ROBO2: variants seen among roughly 807,000 people sequenced by gnomAD.
The protein encoded by ROBO2 is roundabout guidance receptor 2.
In ROBO2, 53 loss-of-function variants were observed where a neutral mutation model predicts 160.8. The ratio of observed to expected loss-of-function variants is 0.33; its 90% CI spans 0.26 to 0.41. The LOEUF is 0.41. Ranked by LOEUF, ROBO2 falls within the 10% of genes least tolerant of loss-of-function variation. The probability of loss-of-function intolerance (pLI) is 1.00; values close to 1 mark genes in which losing one functional copy is unlikely to be tolerated. For synonymous variants in ROBO2, 664 were observed against 611.7 expected, an observed-to-expected ratio of 1.09 and a Z score of -1.26; for missense variants, 1,577 against 1,722.4, an observed-to-expected ratio of 0.92 and a Z score of 1.49.
At chr3:77,291,518 T>G (rs1209478392) in intron 2 of ROBO2, among the ~76,000 whole-genome samples, 1 of 149,706 alleles carries the variant, frequency 6.7e-6, no homozygotes, top group East Asian at 2.0e-4. Context: ...AATTGATGGT[T>G]AAAAGGGTAG....
At chr3:77,461,252 C>T (rs1391426187) in intron 2 of ROBO2, among the ~76,000 whole-genome samples, 2 of 151,910 alleles carry the variant, frequency 1.3e-5, no homozygotes, top group Non-Finnish European at 2.9e-5. Flanking sequence ...GATAATAAAA[C>T]ATTCTTTTTT....
chr3:76,255,119 T>C (rs956369904), intron 2 of ROBO2, among the ~76,000 whole-genome samples: 1 of 152,036 alleles, frequency 6.6e-6, no homozygotes, highest in Non-Finnish European at 1.5e-5. Context: ...GAAAAGTCAT[T>C]GTGCCTGTGG....
At chr3:76,000,493 T>A (rs79225941) in intron 2 of ROBO2, among the ~76,000 whole-genome samples, 7 of 148,292 alleles carry the variant, frequency 4.7e-5, no homozygotes, top group African/African-American at 1.5e-4. Flanking sequence ...GCGCTTATTT[T>A]TTTTTTTTTT....
chr3:77,182,564 T>C (rs1255636175), intron 2 of ROBO2, among the ~76,000 whole-genome samples: 5 of 152,044 alleles, frequency 3.3e-5, no homozygotes. Flanking sequence ...TAGTCCATCC[T>C]CCTAAATTGA....
At chr3:76,887,164 T>C (rs191853722) in intron 2 of ROBO2, among the ~76,000 whole-genome samples, 2 of 150,386 alleles carry the variant, frequency 1.3e-5, no homozygotes, top group Admixed American at 1.3e-4. Flanking sequence ...TAATTACTAG[T>C]GAGATTGCCC....
chr3:75,978,368 T>C (rs1205771009), intron 2 of ROBO2, among the ~76,000 whole-genome samples: 1 of 151,514 alleles, frequency 6.6e-6, no homozygotes, highest in African/African-American at 2.4e-5. Flanking sequence ...ATTTTACTAA[T>C]ATTTTATGTT....
At chr3:76,647,107 G>C in intron 2 of ROBO2, among the ~76,000 whole-genome samples, 1 of 152,282 alleles carries the variant, frequency 6.6e-6, no homozygotes, top group Middle Eastern at 3.4e-3. Flanking sequence ...TGCGTTGCTC[G>C]TCTTGTTCTG....
At chr3:77,513,514 C>CT (rs930774164) in intron 5 of ROBO2, among the ~76,000 whole-genome samples, 1 of 151,718 alleles carries the variant, frequency 6.6e-6, no homozygotes, top group African/African-American at 2.4e-5. Context: ...GAGTGTAGTA[C>CT]TTTTTTTCTT....
At chr3:77,237,797 T>C in intron 2 of ROBO2, among the ~76,000 whole-genome samples, 1 of 152,130 alleles carries the variant, frequency 6.6e-6, no homozygotes, top group East Asian at 1.9e-4. Context: ...GTATGTTTAG[T>C]TTTGAAAGGA....
At chr3:76,791,710 T>A (rs1436543621) in intron 2 of ROBO2, among the ~76,000 whole-genome samples, 3 of 151,742 alleles carry the variant, frequency 2.0e-5, no homozygotes, top group Non-Finnish European at 2.9e-5. Flanking sequence ...CTTCAGAAAG[T>A]GAGATGATAT....
chr3:77,421,579 ATTCTT>A (rs2077717965), intron 2 of ROBO2, among the ~76,000 whole-genome samples: 1 of 152,162 alleles, frequency 6.6e-6, no homozygotes, highest in Admixed American at 6.5e-5. Flanking sequence ...TTTCAGGAAA[ATTCTT>A]TATGGGTGCA....
At chr3:77,412,432 G>C (rs2076878590) in intron 2 of ROBO2, among the ~76,000 whole-genome samples, 1 of 152,206 alleles carries the variant, frequency 6.6e-6, no homozygotes, top group Admixed American at 6.5e-5. Flanking sequence ...TGGAATGTTT[G>C]TTAAAAAGAA....
chr3:77,211,455 G>A (rs2084143043), intron 2 of ROBO2, among the ~76,000 whole-genome samples: 2 of 152,112 alleles, frequency 1.3e-5, no homozygotes, highest in South Asian at 4.1e-4. Context: ...TTGTAAATTT[G>A]TTTGAGTTCA....
At chr3:76,042,006 G>A (rs551947499) in intron 2 of ROBO2, among the ~76,000 whole-genome samples, 36 of 133,756 alleles carry the variant, frequency 2.7e-4, no homozygotes, top group Admixed American at 2.0e-3. Flanking sequence ...GAGAGCGAGA[G>A]CAAGAGAGAG....
intron 2 of ROBO2, among the ~76,000 whole-genome samples, chr3:76,453,661 C>T (rs1164340105): frequency 1.3e-5 from 2 of 152,036 alleles, no homozygotes; most frequent in East Asian, 3.9e-4. Flanking sequence ...TTTAAAATAC[C>T]ATAAATTCAA....
At position 77,608,988 on chromosome 3, in the gene ROBO2, A is replaced by G. The variant is rs189887812; in HGVS notation, c.3293+1034A>G. 2.6e-4 allele frequency among the ~76,000 whole-genome samples: 40 copies of G among 151,912 alleles called. 1 individual carries two copies. The East Asian group carries it at 6.8e-3, about 26-fold the overall frequency. On this transcript the variant is annotated intron_variant, in intron 21 of 25. Transcript: ENST00000461745. ...TTGAAGTCTTCAGATTAATTTTTCT[A>G]ACTAGAATTTTCTATGTCATAACAT...
At chr3:76,174,971 G>A (rs2073174749) in intron 2 of ROBO2, among the ~76,000 whole-genome samples, 1 of 151,972 alleles carries the variant, frequency 6.6e-6, no homozygotes, top group Non-Finnish European at 1.5e-5. Context: ...CCATTTTCAC[G>A]ATATTGATTC....
chr3:77,057,569 A>ATTTT (rs71104648), intron 1 of ROBO2, among the ~76,000 whole-genome samples: 19,791 of 105,158 alleles, frequency 0.19, 3,442 homozygotes, highest in East Asian at 0.4. Context: ...ATTCCAGAGG[A>ATTTT]TTTTTTTTTT....
chr3:75,929,840 G>A (rs1029456495), intron 1 of ROBO2, among the ~76,000 whole-genome samples: 2 of 151,920 alleles, frequency 1.3e-5, no homozygotes, highest in Non-Finnish European at 2.9e-5. Context: ...GATTACAGGT[G>A]CACACCACCA....
Sources: gnomAD v4.1 joint callset for allele counts (sites outside exome capture counted in the v4.1 genomes callset) on GRCh38, gnomAD v4.1.1 for gene constraint, MANE v1.5 for transcripts, NCBI Gene and HGNC (gene_info 2026-07-23, HGNC 2026-07-21) for gene names.